The following ALX4 variants were observed in gnomAD, a reference collection of about 807,000 sequenced individuals.
The protein encoded by ALX4 is ALX homeobox 4.
Under a neutral mutation model 40.6 loss-of-function variants are expected in ALX4, and 22 were observed. The ratio of observed to expected loss-of-function variants is 0.54; its 90% confidence interval spans 0.39 to 0.77. ALX4 has a LOEUF of 0.77. Ranked by LOEUF, ALX4 falls within the 30% of genes least tolerant of loss-of-function variation. The pLI is 0.00. For missense variants in ALX4, 556 were observed against 564.8 expected (o/e 0.98, Z 0.16); for synonymous variants, 266 against 240.5 (o/e 1.11, Z -0.98).
chr11:44,269,642 C>G (rs1455958267), intron 2 of ALX4, among the ~76,000 whole-genome samples: 1 of 152,232 alleles, frequency 6.6e-6, no homozygotes, highest in Non-Finnish European at 1.5e-5. Flanking sequence ...AGCCCCTGCC[C>G]TGGCCTCCCA....
intron 1 of ALX4, among the ~76,000 whole-genome samples, chr11:44,304,967 G>T (rs532298237): frequency 6.6e-6 from 1 of 152,340 alleles, no homozygotes; most frequent in African/African-American, 2.4e-5. Context: ...TCGGGACCGC[G>T]CAAATGCCCT....
At chr11:44,304,440 C>T (rs1034861843) in intron 1 of ALX4, among the ~76,000 whole-genome samples, 1 of 152,176 alleles carries the variant, frequency 6.6e-6, no homozygotes, top group African/African-American at 2.4e-5. Context: ...ATACACTCCC[C>T]TACCCACCCA....
At chr11:44,268,564 TG>T (rs1956226578) in intron 2 of ALX4, among the ~76,000 whole-genome samples, 1 of 152,236 alleles carries the variant, frequency 6.6e-6, no homozygotes, top group African/African-American at 2.4e-5. Context: ...CTGTGAGCAC[TG>T]GGGTTTTTGG....
At chr11:44,266,848 G>A (rs1463618007) in intron 3 of ALX4, among the ~76,000 whole-genome samples, 1 of 152,078 alleles carries the variant, frequency 6.6e-6, no homozygotes, top group Non-Finnish European at 1.5e-5. Flanking sequence ...AAAATGCTCT[G>A]GGGGGAGGGG....
At position 44,267,482 on chromosome 11, in the gene ALX4, G is replaced by T; in HGVS notation, c.906+12C>A. On this transcript the variant is annotated intron_variant, in intron 3 of 3. Coordinates refer to ENST00000652299, the MANE Select transcript of ALX4 (RefSeq NM_021926.4). Reference sequence around the variant, plus strand: ...CTGGGGATCGGTGGCGGCAGCTCAGGGCGGGACTTACCTGGGCGTAGTTCT... The same window carrying T: ...CTGGGGATCGGTGGCGGCAGCTCAGTGCGGGACTTACCTGGGCGTAGTTCT... The T allele has an allele frequency of 1.2e-6, 2 of 1,613,824 alleles. No individual in the cohort carries two copies. The highest frequency in any genetic ancestry group is 8.5e-7 in the Non-Finnish European group (1 of 1,179,876).
intron 1 of ALX4, among the ~76,000 whole-genome samples, chr11:44,294,845 T>C (rs1240546683): frequency 1.3e-5 from 2 of 151,672 alleles, no homozygotes; most frequent in African/African-American, 4.9e-5. Flanking sequence ...TTTATTTATT[T>C]ATTTATTTAT....
At position 44,271,989 on chromosome 11, in the gene ALX4, C is replaced by T. The variant is rs533925902; in HGVS notation, c.777+3359G>A. Among the ~76,000 whole-genome samples the T allele has an allele frequency of 2.0e-5, 3 of 152,340 alleles. No homozygotes were observed. In the East Asian group the frequency reaches 5.8e-4, roughly 29 times the overall value. ...CAGGGCTGTCCCATAACCAGCTATG[C>T]CCCTTTCTCTACCTACACCTGTGGG... On this transcript the variant is annotated intron_variant, in intron 2 of 3. Transcript: ENST00000652299.
intron 1 of ALX4, among the ~76,000 whole-genome samples, chr11:44,287,308 A>T (rs550680900): frequency 6.6e-6 from 1 of 152,150 alleles, no homozygotes; most frequent in South Asian, 2.1e-4. Context: ...ACAAACAAAC[A>T]AACTAAACAA....
chr11:44,295,784 C>A (rs542331752), intron 1 of ALX4, among the ~76,000 whole-genome samples: 20 of 152,308 alleles, frequency 1.3e-4, no homozygotes, highest in Admixed American at 9.8e-4. Context: ...GTGCGCATCT[C>A]AGGAGGTGGG....
chr11:44,291,944 G>A (rs1186687206), intron 1 of ALX4, among the ~76,000 whole-genome samples: 1 of 152,080 alleles, frequency 6.6e-6, no homozygotes, highest in Non-Finnish European at 1.5e-5. Flanking sequence ...TCAGCCTCCC[G>A]AGTAGCTGGG....
intron 1 of ALX4, among the ~76,000 whole-genome samples, chr11:44,290,100 C>T (rs1956360933): frequency 6.6e-6 from 1 of 152,176 alleles, no homozygotes; most frequent in Non-Finnish European, 1.5e-5. Context: ...TCTGTCTGCC[C>T]ATTGTCCCTC....
intron 1 of ALX4, among the ~76,000 whole-genome samples, chr11:44,296,059 G>C (rs78873190): frequency 0.016 from 2,422 of 152,306 alleles, 64 homozygotes; most frequent in African/African-American, 0.055. Flanking sequence ...GGCCTACAAG[G>C]GTCCTTGTAC....
chr11:44,263,881 C>A lies in ALX4; in HGVS notation c.*973G>T, dbSNP rs117526668. 3 of 152,314 alleles carry A rather than the reference C, an allele frequency of 2.0e-5. No homozygotes were observed. Among genetic ancestry groups the A allele is most frequent in the African/African-American group, 7.2e-5 (3 of 41,440 alleles). 9.4% of individuals were successfully genotyped at this position (152,314 alleles called of 1,614,324 possible). On this transcript the variant is annotated 3_prime_UTR_variant, in exon 4 of 4. Transcript: ENST00000652299. ...GGGCCAGGGTAGGGCAGGGAAGAGA[C>A]GAGCCCCTCCGCATCCTCCTGGAGG...
rs116718545 is a variant in ALX4 at position 44,298,252 on chromosome 11, C to T, written c.466+11345G>A. 8.8e-3 allele frequency among the ~76,000 whole-genome samples: 1,343 copies of T among 152,288 alleles called. 19 individuals are homozygous for T. The highest frequency in any genetic ancestry group is 0.03 in the African/African-American group (1,264 of 41,548). ...TAGGCCTTTGGTGAGACTCAGGGGA[C>T]CATGGATGTTCAAGTGCCCTCAGAT... On this transcript the variant is annotated intron_variant, in intron 1 of 3. Transcript: ENST00000652299.
intron 2 of ALX4, among the ~76,000 whole-genome samples, chr11:44,269,953 C>CT (rs1395272580): frequency 6.6e-5 from 10 of 152,050 alleles, no homozygotes; most frequent in African/African-American, 2.2e-4. Flanking sequence ...GATGGCTTCT[C>CT]TTTTTCTTTT....
At chr11:44,293,256 TA>T (rs1413602678) in intron 1 of ALX4, among the ~76,000 whole-genome samples, 1 of 151,316 alleles carries the variant, frequency 6.6e-6, no homozygotes, top group East Asian at 2.0e-4. Flanking sequence ...CTGAACAAAA[TA>T]AAAAATTCAA....
chr11:44,309,737 T>G lies in ALX4; in HGVS notation c.326A>C (p.Gln109Pro), dbSNP rs767495097. 69 of 1,555,016 alleles carry G rather than the reference T, an allele frequency of 4.4e-5. No homozygotes were observed. Among genetic ancestry groups the G allele is most frequent in the Middle Eastern group, 2.0e-4 (1 of 4,914 alleles). The change falls in exon 1 of 4, where the codon CAG (glutamine) becomes CCG (proline). Residue 109 changes from glutamine to proline, a missense_variant. Transcript: ENST00000652299. ...PQPPPQPQPQQQQPQPQPPAQ... is the reference protein window; with the variant it reads ...PQPPPQPQPQPQQPQPQPPAQ... ...GGGCGGCTGGGGCTGCGGCTGCTGC[T>G]GCTGCGGCTGCGGCTGCGGCGGCGG...
In ALX4 at chr11:44,275,597, G is replaced by A; in HGVS notation, c.528C>T (p.Asp176=). Residue 176 remains aspartate, a synonymous_variant, in exon 2 of 4, where the codon GAC becomes GAT. Transcript: ENST00000652299. ...CCTCCTTGACACTCAGGTAGCTGCT[G>A]TCCATCCCCACAGTGTCAGAGTCAG... ...LPPDSDTVGM[D]SSYLSVKEAG... 1 of 1,614,056 alleles carries A rather than the reference G, an allele frequency of 6.2e-7. No homozygotes were observed. The highest frequency in any genetic ancestry group is 8.5e-7 in the Non-Finnish European group (1 of 1,179,948).
chr11:44,295,360 C>T (rs1290756745), intron 1 of ALX4, among the ~76,000 whole-genome samples: 2 of 152,266 alleles, frequency 1.3e-5, no homozygotes, highest in African/African-American at 4.8e-5. Flanking sequence ...ATCAAGCAGC[C>T]TGTGTAGCAC....
Sources: gnomAD v4.1 joint callset for allele counts (sites outside exome capture counted in the v4.1 genomes callset) on GRCh38, gnomAD v4.1.1 for gene constraint, MANE v1.5 for transcripts, NCBI Gene and HGNC (gene_info 2026-07-23, HGNC 2026-07-21) for gene names.